Variants in PTPRG observed in about 807,000 individuals in gnomAD.
PTPRG encodes the protein protein tyrosine phosphatase receptor type G, also known as receptor-type tyrosine-protein phosphatase gamma.
A neutral mutation model predicts 165.3 loss-of-function variants in PTPRG; 102 were observed. The ratio of observed to expected loss-of-function variants is 0.62; its 90% confidence interval spans 0.53 to 0.73. The LOEUF (loss-of-function observed/expected upper bound fraction) is 0.73, where lower values mean the gene tolerates loss of function less well. Among genes scored for constraint, PTPRG ranks in the 30% least tolerant of loss-of-function variants. PTPRG has a pLI of 0.00. For missense variants in PTPRG, 1,866 were observed against 1,861.4 expected, an observed-to-expected ratio of 1.00 and a Z score of -0.05; for synonymous variants, 675 against 669.5, an observed-to-expected ratio of 1.01 and a Z score of -0.13.
chr3:61,922,280 C>T (rs1349145882), intron 2 of PTPRG, among the ~76,000 whole-genome samples: 2 of 152,206 alleles, frequency 1.3e-5, no homozygotes, highest in African/African-American at 4.8e-5. Flanking sequence ...CCTGCATGTT[C>T]ACTTAGAAAG....
chr3:61,887,143 TA>T lies in PTPRG; in HGVS notation c.191-102481del, dbSNP rs1559670161. ...GCATGCATATATATATATATATATA[TA>T]TATATATATATATATATATATATAT... is the stretch of plus-strand genomic sequence containing the variant. On this transcript the variant is annotated intron_variant, in intron 2 of 29. Coordinates refer to ENST00000474889, the MANE Select transcript of PTPRG (RefSeq NM_002841.4). Among the ~76,000 whole-genome samples the T allele has an allele frequency of 5.4e-5, 3 of 55,720 alleles. 1 individual carries two copies. In the East Asian group the frequency reaches 1.3e-3, roughly 25 times the overall value. The allele number at this position is 55,720 out of a possible 152,430, so 36.6% of individuals were successfully genotyped here.
At chr3:61,822,522 G>GA (rs537389312) in intron 2 of PTPRG, among the ~76,000 whole-genome samples, 28 of 151,816 alleles carry the variant, frequency 1.8e-4, no homozygotes, top group South Asian at 4.2e-4. Flanking sequence ...GAAAAGGAAA[G>GA]AAAAAAAATG....
intron 1 of PTPRG, among the ~76,000 whole-genome samples, chr3:61,725,550 T>C (rs576225272): frequency 1.3e-5 from 2 of 152,324 alleles, no homozygotes; most frequent in East Asian, 1.9e-4. Context: ...TTCTCTATTC[T>C]GTTCCATTGA....
chr3:62,201,788 T>C (rs911438568), intron 11 of PTPRG, among the ~76,000 whole-genome samples: 2 of 152,200 alleles, frequency 1.3e-5, no homozygotes, highest in Admixed American at 6.5e-5. Context: ...AAATTCTTCA[T>C]ATTTTTAGTT....
intron 1 of PTPRG, among the ~76,000 whole-genome samples, chr3:61,636,741 A>T (rs551173404): frequency 6.6e-6 from 1 of 152,172 alleles, no homozygotes; most frequent in East Asian, 1.9e-4. Context: ...ACTTTTGACT[A>T]TCATGAATAG....
At position 61,943,759 on chromosome 3, in the gene PTPRG, C is replaced by A. The variant is rs184919598; in HGVS notation, c.191-45866C>A. Among the ~76,000 whole-genome samples, 23 of 152,240 alleles carry A rather than the reference C, an allele frequency of 1.5e-4. No homozygotes were observed. In the East Asian group the frequency reaches 4.4e-3, roughly 29 times the overall value. On this transcript the variant is annotated intron_variant, in intron 2 of 29. Coordinates refer to ENST00000474889, the MANE Select transcript of PTPRG (RefSeq NM_002841.4). ...GTACGTCAAAATTTCTTATACGAGT[C>A]ACTTAGTGTGGGTCCCTTTGAAAAA...
intron 2 of PTPRG, among the ~76,000 whole-genome samples, chr3:61,785,722 A>G (rs1011530614): frequency 6.6e-6 from 1 of 152,236 alleles, no homozygotes; most frequent in African/African-American, 2.4e-5. Flanking sequence ...TTAGAAATAC[A>G]GTATAAAATC....
rs1559781811 is a variant in PTPRG, at chr3:62,074,357, T to TTCTTTC, written c.520-3805_520-3804insCTTTCT. Among the ~76,000 whole-genome samples the TTCTTTC allele has an allele frequency of 1.6e-4, 11 of 70,140 alleles. 1 individual carries two copies. The highest frequency in any genetic ancestry group is 5.3e-4 in the African/African-American group (11 of 20,816). 46.0% of individuals were successfully genotyped at this position (70,140 alleles called of 152,430 possible). ...TCCTTTCTTTTCTTTTCTTTCTTTT[T>TTCTTTC]TTTTTTTTTTTTTTTTGAGACAGGA... On this transcript the variant is annotated intron_variant, in intron 4 of 29. Coordinates refer to ENST00000474889, the MANE Select transcript of PTPRG (RefSeq NM_002841.4).
intron 2 of PTPRG, among the ~76,000 whole-genome samples, chr3:61,951,593 G>A (rs1419463953): frequency 6.6e-6 from 1 of 152,152 alleles, no homozygotes; most frequent in African/African-American, 2.4e-5. Flanking sequence ...GAGGGCAGAG[G>A]ACTCCCCTAA....
At chr3:61,919,091 C>CT (rs1386716885) in intron 2 of PTPRG, among the ~76,000 whole-genome samples, 1 of 152,162 alleles carries the variant, frequency 6.6e-6, no homozygotes, top group Non-Finnish European at 1.5e-5. Context: ...GGCATTGATG[C>CT]TTGTAATTCC....
chr3:62,037,006 CACAG>C (rs1352274720), intron 4 of PTPRG, among the ~76,000 whole-genome samples: 1 of 150,702 alleles, frequency 6.6e-6, no homozygotes, highest in African/African-American at 2.4e-5. Context: ...CACACACACA[CACAG>C]TGTTCCCTGA....
chr3:61,636,968 T>C (rs541112325), intron 1 of PTPRG, among the ~76,000 whole-genome samples: 1 of 152,236 alleles, frequency 6.6e-6, no homozygotes, highest in Non-Finnish European at 1.5e-5. Context: ...TTGGGTACTA[T>C]GCCAATTGGT....
chr3:62,220,891 T>C (rs535125124), intron 13 of PTPRG, among the ~76,000 whole-genome samples: 21 of 152,192 alleles, frequency 1.4e-4, no homozygotes, highest in Admixed American at 1.1e-3. Context: ...AGAAACACTT[T>C]GTACCCAGCA....
intron 10 of PTPRG, among the ~76,000 whole-genome samples, chr3:62,196,882 T>C (rs1178634088): frequency 6.6e-6 from 1 of 151,938 alleles, no homozygotes; most frequent in African/African-American, 2.4e-5. Flanking sequence ...GGCATGTGAG[T>C]TGTGGACCAG....
chr3:62,084,392 C>T (rs938712995), intron 5 of PTPRG, among the ~76,000 whole-genome samples: 13 of 152,112 alleles, frequency 8.5e-5, no homozygotes, highest in African/African-American at 3.1e-4. Context: ...TAAATTCTAC[C>T]CAGAATATGA....
intron 2 of PTPRG, among the ~76,000 whole-genome samples, chr3:61,955,182 G>A (rs1006588): frequency 0.29 from 44,094 of 152,000 alleles, 7,275 homozygotes; most frequent in Non-Finnish European, 0.39. Context: ...ACTTTATTCT[G>A]TTCTGCTTCA....
At chr3:61,857,562 T>C (rs1445795577) in intron 2 of PTPRG, among the ~76,000 whole-genome samples, 1 of 152,202 alleles carries the variant, frequency 6.6e-6, no homozygotes, top group Non-Finnish European at 1.5e-5. Context: ...GACTCGATAA[T>C]TATTTTATTT....
At chr3:61,968,257 T>A (rs2040312762) in intron 2 of PTPRG, among the ~76,000 whole-genome samples, 1 of 151,884 alleles carries the variant, frequency 6.6e-6, no homozygotes, top group African/African-American at 2.4e-5. Flanking sequence ...TTTCATATTC[T>A]GCTTTTTTTT....
chr3:61,981,067 T>C (rs1168797627), intron 2 of PTPRG, among the ~76,000 whole-genome samples: 1 of 152,178 alleles, frequency 6.6e-6, no homozygotes, highest in Non-Finnish European at 1.5e-5. Context: ...TCCACATGGC[T>C]GGGGAGGCCT....
Sources: allele counts gnomAD v4.1 joint callset (sites outside exome capture counted in the v4.1 genomes callset), GRCh38; gene constraint gnomAD v4.1.1; transcripts MANE v1.5; gene names NCBI Gene and HGNC (gene_info 2026-07-23, HGNC 2026-07-21).